The following PPP1R9A variants were observed in gnomAD, a reference collection of about 807,000 sequenced individuals.
The protein encoded by PPP1R9A is neurabin-1.
A neutral mutation model predicts 141.9 loss-of-function variants in PPP1R9A; 59 were observed. The ratio of observed to expected loss-of-function variants is 0.42; its 90% confidence interval spans 0.34 to 0.52. PPP1R9A has a LOEUF of 0.52. PPP1R9A is among the 20% of genes least tolerant of loss of function. PPP1R9A has a pLI of 0.10. For missense variants in PPP1R9A, 1,444 were observed against 1,611.9 expected (o/e 0.90, Z 1.78); for synonymous variants, 500 against 569.7 (o/e 0.88, Z 1.74).
intron 2 of PPP1R9A, among the ~76,000 whole-genome samples, chr7:95,077,992 A>G (rs62467336): frequency 2.1e-5 from 2 of 95,258 alleles, no homozygotes; most frequent in Non-Finnish European, 4.3e-5. Context: ...TTTTTTTTTA[A>G]TTATACTTTT....
intron 17 of PPP1R9A, among the ~76,000 whole-genome samples, chr7:95,285,824 C>G (rs1490391365): frequency 6.6e-6 from 1 of 152,174 alleles, no homozygotes; most frequent in East Asian, 1.9e-4. Context: ...CCATCTGTTC[C>G]TAATAACTCA....
rs530239475 is a variant in PPP1R9A at position 95,163,550 on chromosome 7, G to A, written c.1754+1579G>A. On this transcript the variant is annotated intron_variant, in intron 5 of 19. Transcript: ENST00000433360. ...TTAAAATATTTGCATTATATACTTA[G>A]TAGTTGAGCCTCCCTAATGTGAAAA... Among the ~76,000 whole-genome samples the A allele has an allele frequency of 5.9e-4, 90 of 152,216 alleles. 1 individual carries two copies. In the Middle Eastern group the frequency reaches 0.01, roughly 17 times the overall value.
chr7:95,046,405 G>C (rs1391568101), intron 2 of PPP1R9A, among the ~76,000 whole-genome samples: 3 of 152,092 alleles, frequency 2.0e-5, no homozygotes, highest in African/African-American at 7.2e-5. Context: ...AGATTAGGTA[G>C]TATTTCTATT....
At position 95,080,978 on chromosome 7, in the gene PPP1R9A, A is replaced by G. The variant is rs115300991; in HGVS notation, c.1396-30281A>G. Among the ~76,000 whole-genome samples, 622 of 152,356 alleles carry G rather than the reference A, an allele frequency of 4.1e-3. 8 individuals carry two copies. Among genetic ancestry groups the G allele is most frequent in the African/African-American group, 0.014 (591 of 41,576 alleles). ...AATTAAAACATTATCAGGCAGGTCA[A>G]TTTACATATCTGCTTGTTAACTATT... On this transcript the variant is annotated intron_variant, in intron 2 of 19. Transcript: ENST00000433360.
At chr7:95,129,284 A>G (rs906655698) in intron 4 of PPP1R9A, among the ~76,000 whole-genome samples, 13 of 152,068 alleles carry the variant, frequency 8.5e-5, no homozygotes, top group Non-Finnish European at 1.2e-4. Context: ...AGGCATTCCT[A>G]CATTATTCTT....
intron 2 of PPP1R9A, among the ~76,000 whole-genome samples, chr7:94,920,528 A>G (rs917584011): frequency 2.6e-5 from 4 of 152,200 alleles, no homozygotes; most frequent in African/African-American, 9.6e-5. Context: ...TTTCATTGGT[A>G]TTTTTAAAAA....
intron 5 of PPP1R9A, among the ~76,000 whole-genome samples, chr7:95,176,190 A>C (rs1250640681): frequency 6.6e-6 from 1 of 152,112 alleles, no homozygotes; most frequent in Admixed American, 6.6e-5. Context: ...CTCTGTGCAC[A>C]CAACCCCCAG....
At chr7:95,174,219 T>C (rs1026687169) in intron 5 of PPP1R9A, among the ~76,000 whole-genome samples, 5 of 152,120 alleles carry the variant, frequency 3.3e-5, no homozygotes, top group East Asian at 3.8e-4. Context: ...TTCAATACCA[T>C]GTATGACTCT....
At position 95,219,295 on chromosome 7, in the gene PPP1R9A, C is replaced by A. The variant is rs185601198; in HGVS notation, c.1957-6666C>A. ...TTTCTTTAAGAATGCTGAATATTGGCCCCCACTCTCTTCTGGCTTGTAGAG... is the reference window on the plus strand; with the variant it reads ...TTTCTTTAAGAATGCTGAATATTGGACCCCACTCTCTTCTGGCTTGTAGAG... On this transcript the variant is annotated intron_variant, in intron 7 of 19. Transcript: ENST00000433360. Among the ~76,000 whole-genome samples, 641 of 152,222 alleles carry A rather than the reference C, an allele frequency of 4.2e-3. 3 individuals are homozygous for A. The highest frequency in any genetic ancestry group is 0.015 in the African/African-American group (604 of 41,534).
chr7:95,021,819 G>T (rs573769897), intron 2 of PPP1R9A, among the ~76,000 whole-genome samples: 1 of 152,054 alleles, frequency 6.6e-6, no homozygotes, highest in South Asian at 2.1e-4. Flanking sequence ...GTTCTGTTCC[G>T]TTGGTCTATA....
intron 4 of PPP1R9A, among the ~76,000 whole-genome samples, chr7:95,123,359 G>A (rs906927219): frequency 8.5e-5 from 13 of 152,070 alleles, no homozygotes; most frequent in African/African-American, 2.7e-4. Context: ...ATTAAGACAT[G>A]TAACTTGGGC....
intron 4 of PPP1R9A, among the ~76,000 whole-genome samples, chr7:95,144,539 C>G (rs1334501134): frequency 2.6e-5 from 4 of 151,898 alleles, no homozygotes; most frequent in Non-Finnish European, 5.9e-5. Context: ...TGTGGTAGTT[C>G]TAGTTTAATT....
chr7:95,014,250 A>T (rs751389383), intron 2 of PPP1R9A, among the ~76,000 whole-genome samples: 12 of 152,130 alleles, frequency 7.9e-5, no homozygotes, highest in Non-Finnish European at 1.5e-4. Context: ...CTAGGCTCAG[A>T]CATTAATTAC....
At chr7:95,243,373 A>G (rs1797717507) in intron 8 of PPP1R9A, among the ~76,000 whole-genome samples, 1 of 152,184 alleles carries the variant, frequency 6.6e-6, no homozygotes, top group Non-Finnish European at 1.5e-5. Context: ...CATAGTACCT[A>G]GCACGTAGTC....
chr7:95,081,404 A>T (rs1443202558), intron 2 of PPP1R9A, among the ~76,000 whole-genome samples: 2 of 152,178 alleles, frequency 1.3e-5, no homozygotes, highest in African/African-American at 2.4e-5. Flanking sequence ...GCTAGAGAAA[A>T]ACGTATTAGG....
intron 2 of PPP1R9A, chr7:95,036,959 A>G (rs557489916): frequency 6.6e-6 from 1 of 152,348 alleles, no homozygotes; most frequent in Non-Finnish European, 1.5e-5. Flanking sequence ...TGGTGAAAAC[A>G]TGCTGCTGTC....
intron 2 of PPP1R9A, among the ~76,000 whole-genome samples, chr7:95,103,680 C>T (rs1431723972): frequency 6.6e-6 from 1 of 152,090 alleles, no homozygotes; most frequent in African/African-American, 2.4e-5. Context: ...ACTTCTTGTT[C>T]TTTAGTAATC....
At chr7:95,086,993 A>T (rs1303365815) in intron 2 of PPP1R9A, among the ~76,000 whole-genome samples, 9 of 149,340 alleles carry the variant, frequency 6.0e-5, no homozygotes, top group Admixed American at 6.6e-5. Context: ...GACCAGCCTG[A>T]GCAACATAGT....
chr7:95,267,601 G>A (rs911611426), intron 12 of PPP1R9A, among the ~76,000 whole-genome samples: 4 of 152,082 alleles, frequency 2.6e-5, no homozygotes, highest in African/African-American at 4.8e-5. Context: ...GGTGGTAAGA[G>A]CCAGGCTAAA....
Sources: gnomAD v4.1 joint callset for allele counts (sites outside exome capture counted in the v4.1 genomes callset) on GRCh38, gnomAD v4.1.1 for gene constraint, MANE v1.5 for transcripts, NCBI Gene and HGNC (gene_info 2026-07-23, HGNC 2026-07-21) for gene names.